The following AGTPBP1 variants were observed in gnomAD, a reference collection of about 807,000 sequenced individuals.
AGTPBP1 encodes ATP/GTP binding carboxypeptidase 1.
AGTPBP1 carries 70 observed loss-of-function variants against 143.9 expected under a neutral mutation model. The observed-to-expected ratio is 0.49, with a 90% confidence interval of 0.40 to 0.59. The LOEUF is 0.59. Among genes scored for constraint, AGTPBP1 ranks in the 20% least tolerant of loss-of-function variants. The probability of loss-of-function intolerance (pLI) is 0.00; values close to 1 mark genes in which losing one functional copy is unlikely to be tolerated. For synonymous variants in AGTPBP1, 463 were observed against 500.2 expected (o/e 0.93, Z 0.99); for missense variants, 1,229 against 1,464.5 (o/e 0.84, Z 2.62).
chr9:85,745,101 C>G (rs565327032), upstream of AGTPBP1, among the ~76,000 whole-genome samples: 4 of 152,294 alleles, frequency 2.6e-5, no homozygotes, highest in African/African-American at 9.6e-5. Context: ...CATTTTTGGA[C>G]TAGTCATGGG....
rs72129899 is a variant in AGTPBP1 at position 85,566,529 on chromosome 9, C to CAAAAAAAAAAAA, written c.3503+8774_3503+8785dup. ...TGGGCAACAGATCAAGACCATGTCT[C>CAAAAAAAAAAAA]AAAAAAAAAAAAAAAAAAAAGGCTG... On this transcript the variant is annotated intron_variant, in intron 25 of 25. Transcript: ENST00000357081. Among the ~76,000 whole-genome samples, 222 of 78,530 alleles carry CAAAAAAAAAAAA rather than the reference C, an allele frequency of 2.8e-3. 13 individuals are homozygous for CAAAAAAAAAAAA. Among genetic ancestry groups the CAAAAAAAAAAAA allele is most frequent in the African/African-American group, 0.012 (206 of 17,262 alleles). 51.5% of individuals were successfully genotyped at this position (78,530 alleles called of 152,430 possible).
chr9:85,636,030 G>A (rs1398822240), intron 13 of AGTPBP1, among the ~76,000 whole-genome samples: 2 of 151,968 alleles, frequency 1.3e-5, no homozygotes, highest in Non-Finnish European at 2.9e-5. Context: ...ACTCTCAAAA[G>A]CAACAGCTCC....
chr9:85,717,837 C>T (rs988169574), intron 1 of AGTPBP1, among the ~76,000 whole-genome samples: 4 of 151,914 alleles, frequency 2.6e-5, no homozygotes, highest in Non-Finnish European at 2.9e-5. Flanking sequence ...CAGCCCCCCA[C>T]CCCCTAACAG....
intron 1 of AGTPBP1, among the ~76,000 whole-genome samples, chr9:85,734,903 A>G (rs913915672): frequency 1.4e-4 from 22 of 152,064 alleles, no homozygotes; most frequent in African/African-American, 5.3e-4. Context: ...AGGCATGGTG[A>G]CACACACTTG....
chr9:85,796,614 T>G, the AGTPBP1 span, among the ~76,000 whole-genome samples: 7 of 152,020 alleles, frequency 4.6e-5, no homozygotes, highest in Non-Finnish European at 1.0e-4. Flanking sequence ...AGATGCTAGC[T>G]CTGCCACATC....
intron 17 of AGTPBP1, among the ~76,000 whole-genome samples, chr9:85,607,841 T>C (rs901769061): frequency 6.6e-6 from 1 of 152,094 alleles, no homozygotes; most frequent in South Asian, 2.1e-4. Context: ...AAAGTGGAGC[T>C]CTAATAAACC....
intron 23 of AGTPBP1, among the ~76,000 whole-genome samples, chr9:85,580,073 T>TA (rs1480928050): frequency 6.6e-6 from 1 of 151,422 alleles, no homozygotes; most frequent in Non-Finnish European, 1.5e-5. Flanking sequence ...CCGTCTTTAC[T>TA]AAAAAATACA....
rs1345812815 is a variant in AGTPBP1 at position 85,712,016 on chromosome 9, C to T, written c.32+486G>A. Among the ~76,000 whole-genome samples, 6 of 152,134 alleles carry T rather than the reference C, an allele frequency of 3.9e-5. No individual in the cohort carries two copies. The East Asian group carries it at 9.6e-4, about 24-fold the overall frequency. On this transcript the variant is annotated intron_variant, in intron 2 of 25. Coordinates refer to ENST00000357081, the MANE Select transcript of AGTPBP1 (RefSeq NM_001330701.2). ...TGGAGGTTCACACCTATAATCCCAG[C>T]ACTTTGGGAGGCCAAGGCGGGTGGA...
intron 12 of AGTPBP1, chr9:85,643,150 T>C: frequency 1.9e-6 from 1 of 525,444 alleles, no homozygotes; most frequent in Non-Finnish European, 3.3e-6. Flanking sequence ...TTTGTTTTGT[T>C]TTTGTCATGG....
chr9:85,681,139 ATACGTGTGTGTGTATATATG>A, intron 4 of AGTPBP1, 109 bp downstream of exon 4: 3 of 810,208 alleles, frequency 3.7e-6, no homozygotes, highest in Non-Finnish European at 5.8e-6. Flanking sequence ...ATTATTACAT[ATACGTGTGTGTGTATATATG>A]TACGTGTGTA....
chr9:85,616,155 A>G (rs1276445765), intron 17 of AGTPBP1, among the ~76,000 whole-genome samples: 1 of 151,994 alleles, frequency 6.6e-6, no homozygotes, highest in African/African-American at 2.4e-5. Flanking sequence ...TTATCTCTGG[A>G]TGATGCATTG....
chr9:85,632,579 A>G (rs555062780), intron 14 of AGTPBP1, 83 bp downstream of exon 14: 1 of 1,219,962 alleles, frequency 8.2e-7, no homozygotes, highest in South Asian at 1.6e-5. Context: ...TTATCTTCCT[A>G]AATGCCCAAA....
At chr9:85,586,228 A>C (rs1731738405) in intron 22 of AGTPBP1, among the ~76,000 whole-genome samples, 1 of 152,068 alleles carries the variant, frequency 6.6e-6, no homozygotes, top group African/African-American at 2.4e-5. Context: ...AAAATTAAAA[A>C]CAAAGAATAA....
At chr9:85,701,383 C>T (rs1249564035) in intron 2 of AGTPBP1, among the ~76,000 whole-genome samples, 4 of 151,700 alleles carry the variant, frequency 2.6e-5, no homozygotes, top group Non-Finnish European at 5.9e-5. Flanking sequence ...GCACCCACCA[C>T]CATGCCCAGC....
intron 1 of AGTPBP1, among the ~76,000 whole-genome samples, chr9:85,736,571 G>A (rs1286998292): frequency 2.0e-5 from 3 of 151,890 alleles, no homozygotes; most frequent in East Asian, 1.9e-4. Flanking sequence ...TACCCAAAGC[G>A]TAAAACAAAA....
At chr9:85,656,347 T>C (rs1353324440) in intron 10 of AGTPBP1, among the ~76,000 whole-genome samples, 1 of 152,222 alleles carries the variant, frequency 6.6e-6, no homozygotes, top group Non-Finnish European at 1.5e-5. Flanking sequence ...TTAAGTGGCA[T>C]AAACCAAGTG....
At chr9:85,638,202 G>A (rs1832208977) in intron 13 of AGTPBP1, among the ~76,000 whole-genome samples, 1 of 152,136 alleles carries the variant, frequency 6.6e-6, no homozygotes, top group South Asian at 2.1e-4. Context: ...ATGGCTGAGG[G>A]AAAGAGGAAA....
intron 10 of AGTPBP1, among the ~76,000 whole-genome samples, chr9:85,656,232 G>A (rs1259813960): frequency 6.6e-6 from 1 of 152,200 alleles, no homozygotes; most frequent in Non-Finnish European, 1.5e-5. Flanking sequence ...AGTATTATTA[G>A]TGACATTTGA....
intron 25 of AGTPBP1, among the ~76,000 whole-genome samples, chr9:85,563,419 G>C (rs1015561422): frequency 6.6e-6 from 1 of 152,144 alleles, no homozygotes. Context: ...GTAGAAATAC[G>C]ACAGTAAAGG....
Sources: gnomAD v4.1 joint callset for allele counts (sites outside exome capture counted in the v4.1 genomes callset) on GRCh38, gnomAD v4.1.1 for gene constraint, MANE v1.5 for transcripts, NCBI Gene and HGNC (gene_info 2026-07-23, HGNC 2026-07-21) for gene names.